Variants in TAS2R1 observed in about 807,000 individuals in gnomAD.
The protein encoded by TAS2R1 is taste receptor type 2 member 1.
For synonymous variants in TAS2R1, 141 were observed against 134.2 expected (o/e 1.05, Z -0.35); for missense variants, 370 against 353.4 (o/e 1.05, Z -0.38).
chr5:9,810,601 T>C, the TAS2R1 span, among the ~76,000 whole-genome samples: 2 of 152,028 alleles, frequency 1.3e-5, no homozygotes, highest in Admixed American at 1.3e-4. Flanking sequence ...GAGATAAGGA[T>C]GCACAAGAGA....
chr5:9,872,675 G>A, the TAS2R1 span, among the ~76,000 whole-genome samples: 1 of 152,152 alleles, frequency 6.6e-6, no homozygotes, highest in Non-Finnish European at 1.5e-5. Context: ...AATTGCACCT[G>A]TGAATTTATC....
At chr5:9,669,261 C>T (rs538544723) in intron 1 of TAS2R1, among the ~76,000 whole-genome samples, 259 of 152,192 alleles carry the variant, frequency 1.7e-3, no homozygotes, top group African/African-American at 5.9e-3. Flanking sequence ...GATTCATTAA[C>T]GAAGTTCTTA....
the TAS2R1 span, among the ~76,000 whole-genome samples, chr5:9,787,627 T>C: frequency 0.021 from 3,240 of 152,310 alleles, 110 homozygotes; most frequent in African/African-American, 0.071. Context: ...TATCAGAACC[T>C]GGTAATTTAT....
upstream of TAS2R1, among the ~76,000 whole-genome samples, chr5:9,633,294 T>TTATATATATATATATATATATA (rs200096603): frequency 2.4e-3 from 160 of 67,694 alleles, 1 homozygote; most frequent in South Asian, 6.6e-3. Flanking sequence ...TGTGTGTATA[T>TTATATATATATATATATATATA]TATATATATA....
At chr5:9,823,886 C>T in the TAS2R1 span, among the ~76,000 whole-genome samples, 25 of 152,254 alleles carry the variant, frequency 1.6e-4, no homozygotes, top group African/African-American at 6.0e-4. Context: ...GTTCAAAGTG[C>T]CACTTACAGA....
the TAS2R1 span, among the ~76,000 whole-genome samples, chr5:9,852,130 C>A: frequency 6.6e-6 from 1 of 152,132 alleles, no homozygotes; most frequent in African/African-American, 2.4e-5. Flanking sequence ...AAATCATTTA[C>A]AAAGGAGAAT....
the TAS2R1 span, among the ~76,000 whole-genome samples, chr5:9,788,030 G>A: frequency 6.6e-6 from 1 of 152,216 alleles, no homozygotes. Flanking sequence ...CTGCTGGGCT[G>A]TCAACAGCCG....
chr5:9,647,948 T>C (rs1004781189), intron 2 of TAS2R1, among the ~76,000 whole-genome samples: 1 of 152,184 alleles, frequency 6.6e-6, no homozygotes, highest in African/African-American at 2.4e-5. Context: ...AACTTTATTT[T>C]TCTAGTTCGA....
Position 9,677,266 on chromosome 5 carries a change from G to A in TAS2R1, c.-241-17685C>T, listed in dbSNP as rs1216953396. On this transcript the variant is annotated intron_variant, in intron 1 of 2. Coordinates refer to the TAS2R1 transcript ENST00000506620. The stretch of plus-strand genomic sequence containing the variant: ...AATAACACCTATTGGAGGGTGAAGG[G>A]TGGGAGGAGGGAGAGGATCAGGAAA... Among the ~76,000 whole-genome samples, 8 of 152,066 alleles carry A rather than the reference G, an allele frequency of 5.3e-5. No individual in the cohort carries two copies. The East Asian group carries it at 1.5e-3, about 29-fold the overall frequency.
chr5:9,765,100 T>A, the TAS2R1 span, among the ~76,000 whole-genome samples: 1 of 152,056 alleles, frequency 6.6e-6, no homozygotes, highest in Non-Finnish European at 1.5e-5. Context: ...AGAAAAACCC[T>A]GGAATTCAAT....
the TAS2R1 span, among the ~76,000 whole-genome samples, chr5:9,843,314 C>T: frequency 4.6e-5 from 7 of 152,182 alleles, no homozygotes; most frequent in African/African-American, 7.2e-5. Context: ...TCTTCCACAA[C>T]CCAAAGTACC....
At chr5:9,701,373 T>C (rs977739880) in intron 1 of TAS2R1, among the ~76,000 whole-genome samples, 1 of 152,170 alleles carries the variant, frequency 6.6e-6, no homozygotes, top group Non-Finnish European at 1.5e-5. Context: ...GCAGCTTTTC[T>C]AGCTCTAGGT....
At chr5:9,676,377 TC>T in intron 1 of TAS2R1, among the ~76,000 whole-genome samples, 1 of 152,102 alleles carries the variant, frequency 6.6e-6, no homozygotes, top group African/African-American at 2.4e-5. Context: ...ACTGCAGCAA[TC>T]AAGATAGAGT....
At chr5:9,661,601 C>G (rs1740533930) in intron 1 of TAS2R1, among the ~76,000 whole-genome samples, 1 of 152,154 alleles carries the variant, frequency 6.6e-6, no homozygotes, top group South Asian at 2.1e-4. Context: ...ATGATTTCCT[C>G]AAGTCTATTT....
At chr5:9,641,147 G>A (rs2126481017) in intron 2 of TAS2R1, among the ~76,000 whole-genome samples, 1 of 152,258 alleles carries the variant, frequency 6.6e-6, no homozygotes, top group East Asian at 1.9e-4. Flanking sequence ...AACTAGCAGA[G>A]ATAATACATA....
chr5:9,725,266 C>T, the TAS2R1 span, among the ~76,000 whole-genome samples: 1 of 152,254 alleles, frequency 6.6e-6, no homozygotes, highest in Non-Finnish European at 1.5e-5. Flanking sequence ...CTGGGCTGGC[C>T]AAGGCCGGAG....
the TAS2R1 span, among the ~76,000 whole-genome samples, chr5:9,819,260 T>C: frequency 6.6e-6 from 1 of 152,100 alleles, no homozygotes; most frequent in African/African-American, 2.4e-5. Context: ...GGTGCTGAGT[T>C]TGTGGTTCTT....
chr5:9,810,110 C>G, the TAS2R1 span, among the ~76,000 whole-genome samples: 6 of 152,192 alleles, frequency 3.9e-5, no homozygotes, highest in African/African-American at 1.4e-4. Flanking sequence ...GGAGGCAGGA[C>G]AAGTCTACTT....
the TAS2R1 span, among the ~76,000 whole-genome samples, chr5:9,812,145 C>A: frequency 2.0e-5 from 3 of 151,934 alleles, no homozygotes; most frequent in Admixed American, 6.6e-5. Context: ...TGTCCTTCAC[C>A]CCCCTGCCCC....
Sources: gnomAD v4.1 joint callset for allele counts (sites outside exome capture counted in the v4.1 genomes callset) on GRCh38, gnomAD v4.1.1 for gene constraint, MANE v1.5 for transcripts, NCBI Gene and HGNC (gene_info 2026-07-23, HGNC 2026-07-21) for gene names.